CCDC102B: variants seen among roughly 807,000 people sequenced by gnomAD.
CCDC102B encodes the protein coiled-coil domain containing 102B.
CCDC102B carries 75 observed loss-of-function variants against 57.4 expected under a neutral mutation model. That is an observed-to-expected ratio of 1.31 (90% CI 1.08 to 1.58). CCDC102B has a LOEUF of 1.58. CCDC102B is among the 40% of genes most tolerant of loss of function. The pLI is 0.00. For missense variants in CCDC102B, 636 were observed against 582.6 expected (o/e 1.09, Z -0.94); for synonymous variants, 206 against 201.9 (o/e 1.02, Z -0.17).
chr18:69,033,775 A>G (rs760700939), intron 7 of CCDC102B, among the ~76,000 whole-genome samples: 1 of 151,780 alleles, frequency 6.6e-6, no homozygotes. Flanking sequence ...CTGTCAAACT[A>G]TTTTTCAAAA....
intron 7 of CCDC102B, among the ~76,000 whole-genome samples, chr18:69,017,347 A>G (rs1346164926): frequency 6.6e-6 from 1 of 151,008 alleles, no homozygotes; most frequent in Non-Finnish European, 1.5e-5. Context: ...CTGGTCTTGA[A>G]CTCCTGAGCT....
At chr18:68,856,756 T>A (rs2038404419) in intron 4 of CCDC102B, among the ~76,000 whole-genome samples, 1 of 151,966 alleles carries the variant, frequency 6.6e-6, no homozygotes, top group East Asian at 1.9e-4. Context: ...ATATATATCT[T>A]GAAGATGTTT....
intron 7 of CCDC102B, among the ~76,000 whole-genome samples, chr18:69,037,410 C>T (rs1328405862): frequency 6.6e-6 from 1 of 151,890 alleles, no homozygotes; most frequent in Non-Finnish European, 1.5e-5. Flanking sequence ...GGATAAAGGA[C>T]AACAAGAGGT....
chr18:68,900,891 G>A (rs1383583662), intron 6 of CCDC102B, among the ~76,000 whole-genome samples: 4 of 152,084 alleles, frequency 2.6e-5, no homozygotes, highest in African/African-American at 7.2e-5. Context: ...CAAAATGAAC[G>A]TGCTTAATGG....
chr18:68,947,046 A>G (rs1352385124), intron 6 of CCDC102B, among the ~76,000 whole-genome samples: 1 of 152,046 alleles, frequency 6.6e-6, no homozygotes, highest in African/African-American at 2.4e-5. Context: ...ACAGCGTTAT[A>G]TAGTCACAAC....
At chr18:68,966,405 G>A (rs117247559) in intron 6 of CCDC102B, among the ~76,000 whole-genome samples, 2 of 152,200 alleles carry the variant, frequency 1.3e-5, no homozygotes, top group East Asian at 3.9e-4. Context: ...ATACATATAC[G>A]ACAAGAGATC....
At chr18:68,761,455 GAT>G (rs1019777105) in intron 2 of CCDC102B, among the ~76,000 whole-genome samples, 3 of 151,888 alleles carry the variant, frequency 2.0e-5, no homozygotes, top group African/African-American at 7.2e-5. Context: ...CAATATTTGA[GAT>G]ATGTTGAAAT....
At chr18:69,043,865 T>C (rs2145480391) in intron 7 of CCDC102B, among the ~76,000 whole-genome samples, 1 of 152,228 alleles carries the variant, frequency 6.6e-6, no homozygotes, top group Admixed American at 6.6e-5. Flanking sequence ...TAAAAAGTTC[T>C]ACAATACATC....
At chr18:68,842,637 G>C (rs931357129) in intron 3 of CCDC102B, among the ~76,000 whole-genome samples, 1 of 152,142 alleles carries the variant, frequency 6.6e-6, no homozygotes, top group African/African-American at 2.4e-5. Context: ...CAGCAATAAA[G>C]ACAACTTGTT....
intron 1 of CCDC102B, among the ~76,000 whole-genome samples, chr18:68,804,548 A>G (rs1373058930): frequency 6.6e-6 from 1 of 152,126 alleles, no homozygotes; most frequent in Admixed American, 6.6e-5. Flanking sequence ...GCTGAGACAG[A>G]ATGTGGGGCA....
At chr18:68,791,916 C>T (rs1225683900) in intron 2 of CCDC102B, among the ~76,000 whole-genome samples, 3 of 151,952 alleles carry the variant, frequency 2.0e-5, no homozygotes, top group African/African-American at 7.3e-5. Context: ...GTTTTTGCCT[C>T]TCAGGGGATA....
intron 2 of CCDC102B, among the ~76,000 whole-genome samples, chr18:68,743,405 A>G (rs2033485881): frequency 6.6e-6 from 1 of 152,028 alleles, no homozygotes; most frequent in South Asian, 2.1e-4. Flanking sequence ...GCGATACTCC[A>G]TCTCAAAAAC....
At chr18:68,940,435 C>A (rs904962144) in intron 6 of CCDC102B, among the ~76,000 whole-genome samples, 1 of 151,744 alleles carries the variant, frequency 6.6e-6, no homozygotes, top group Non-Finnish European at 1.5e-5. Context: ...TGTTTCTTTA[C>A]ATTAATGAAT....
chr18:68,719,007 A>T (rs1472773732), intron 2 of CCDC102B, among the ~76,000 whole-genome samples: 1 of 152,248 alleles, frequency 6.6e-6, no homozygotes, highest in Non-Finnish European at 1.5e-5. Flanking sequence ...AGAAGAGCAT[A>T]AATATAGGCA....
intron 2 of CCDC102B, among the ~76,000 whole-genome samples, chr18:68,730,430 G>A (rs1282860398): frequency 6.6e-6 from 1 of 152,002 alleles, no homozygotes; most frequent in Non-Finnish European, 1.5e-5. Context: ...AGTCCAAGAG[G>A]ATCACTTAGA....
intron 1 of CCDC102B, among the ~76,000 whole-genome samples, chr18:68,820,484 G>A (rs7244197): frequency 0.41 from 62,135 of 151,782 alleles, 13,794 homozygotes; most frequent in East Asian, 0.82. Flanking sequence ...GTCAGCTTGA[G>A]AGATTTGCCA....
intron 6 of CCDC102B, among the ~76,000 whole-genome samples, chr18:69,006,997 T>C (rs1193559778): frequency 6.6e-6 from 1 of 152,216 alleles, no homozygotes; most frequent in African/African-American, 2.4e-5. Context: ...AACACGGGAT[T>C]GTCACGTGGA....
intron 1 of CCDC102B, among the ~76,000 whole-genome samples, chr18:68,810,683 T>TGG (rs1568263197): frequency 9.1e-4 from 7 of 7,654 alleles, no homozygotes; most frequent in African/African-American, 2.7e-3. Flanking sequence ...TTTCTTTGTT[T>TGG]TTTTTTTTTT....
At chr18:68,908,483 A>G (rs2145061036) in intron 6 of CCDC102B, 1 of 152,214 alleles carries the variant, frequency 6.6e-6, no homozygotes, top group South Asian at 2.1e-4. Flanking sequence ...CTACCTTGCC[A>G]TTTTTGCTGA....
Sources: gnomAD v4.1 joint callset for allele counts (sites outside exome capture counted in the v4.1 genomes callset) on GRCh38, gnomAD v4.1.1 for gene constraint, MANE v1.5 for transcripts, NCBI Gene and HGNC (gene_info 2026-07-23, HGNC 2026-07-21) for gene names.